Variants in VDAC2 observed in about 807,000 individuals in gnomAD.
VDAC2 encodes the protein non-selective voltage-gated ion channel VDAC2.
A neutral mutation model predicts 36.6 loss-of-function variants in VDAC2; 6 were observed. That is an observed-to-expected ratio of 0.16 (90% CI 0.09 to 0.32). The LOEUF is 0.32. VDAC2 is among the 10% of genes least tolerant of loss of function. VDAC2 has a pLI of 1.00. For synonymous variants in VDAC2, 109 were observed against 123.8 expected (o/e 0.88, Z 0.79); for missense variants, 247 against 346.0 (o/e 0.71, Z 2.27).
intron 4 of VDAC2, among the ~76,000 whole-genome samples, chr10:75,217,044 C>T (rs1841627009): frequency 6.6e-6 from 1 of 152,022 alleles, no homozygotes; most frequent in Non-Finnish European, 1.5e-5. Context: ...CCCTTGAGCC[C>T]AGGAGTTCTG....
In VDAC2 at chr10:75,220,964, C is replaced by T. The variant is rs764408721; in HGVS notation, c.578C>T (p.Thr193Ile). The change falls in exon 7 of 10, where the codon ACT becomes ATT. Residue 193 changes from threonine (T) to isoleucine (I), a missense_variant. Thr to Ile is a moderately conservative substitution (Grantham distance 89). Transcript: ENST00000332211. Reference protein sequence around the residue: ...GYRTGDFQLHTNVNDGTEFGG... With the variant: ...GYRTGDFQLHINVNDGTEFGG... Reference sequence around the variant, plus strand: ...AGGACTGGGGACTTCCAGCTACACACTAATGTGTAAGTATTTCTTTCATAG... The same window carrying T: ...AGGACTGGGGACTTCCAGCTACACATTAATGTGTAAGTATTTCTTTCATAG... 48 of 1,611,910 alleles carry T rather than the reference C, an allele frequency of 3.0e-5. No individual in the cohort carries two copies. The highest frequency in any genetic ancestry group is 5.3e-5 in the African/African-American group (4 of 74,866).
chr10:75,222,064 T>C (rs1040336869), intron 7 of VDAC2, among the ~76,000 whole-genome samples, 188 bp from the exon 8 acceptor site: 1 of 152,222 alleles, frequency 6.6e-6, no homozygotes, highest in Non-Finnish European at 1.5e-5. Context: ...CTGTGGTTCA[T>C]TTTACCAATC....
At chr10:75,212,357 C>G in intron 3 of VDAC2, 59 bp downstream of exon 3, 1 of 1,452,302 alleles carries the variant, frequency 6.9e-7, no homozygotes, top group Non-Finnish European at 9.5e-7. Context: ...GTTTGGGTTG[C>G]TTAGCGAAAT....
intron 2 of VDAC2, 156 bp downstream of exon 2, chr10:75,211,345 G>A: frequency 7.2e-7 from 1 of 1,387,070 alleles, no homozygotes; most frequent in Non-Finnish European, 9.7e-7. Flanking sequence ...CTGCGGAGGA[G>A]GGGCTGGGCT....
intron 2 of VDAC2, 161 bp downstream of exon 2, chr10:75,211,350 T>A (rs1841413928): frequency 2.2e-6 from 3 of 1,384,076 alleles, no homozygotes; most frequent in African/African-American, 1.5e-5. Flanking sequence ...GAGGAGGGGC[T>A]GGGCTGCTGG....
At chr10:75,212,330 A>G in intron 3 of VDAC2, 32 bp downstream of exon 3, 2 of 1,574,188 alleles carry the variant, frequency 1.3e-6, no homozygotes, top group Non-Finnish European at 1.7e-6. Context: ...CGTTTTAGAT[A>G]AAGAGTGAAA....
chr10:75,219,365 A>G lies in VDAC2; in HGVS notation c.356+9A>G. The G allele has an allele frequency of 1.3e-6, 2 of 1,585,906 alleles. No individual in the cohort carries two copies. Among genetic ancestry groups the G allele is most frequent in the Non-Finnish European group, 1.7e-6 (2 of 1,163,146 alleles). ...TTCTCACCAAACACAGGGTAAGCAC[A>G]GACATTTTTATCTGTATTACATTTA... On this transcript the variant is annotated intron_variant, in intron 6 of 9. Transcript: ENST00000332211.
intron 2 of VDAC2, chr10:75,211,419 C>T (rs1447085084): frequency 2.7e-6 from 4 of 1,461,364 alleles, no homozygotes; most frequent in East Asian, 2.5e-5. Flanking sequence ...ACTTTTCAGC[C>T]TTTGTACATG....
intron 4 of VDAC2, among the ~76,000 whole-genome samples, chr10:75,215,885 C>A (rs568379229): frequency 2.3e-4 from 35 of 151,920 alleles, no homozygotes; most frequent in African/African-American, 7.0e-4. Flanking sequence ...CCATGCCCCG[C>A]TAATTTTTGT....
chr10:75,226,984 G>A (rs1196032592), intron 8 of VDAC2, among the ~76,000 whole-genome samples: 2 of 151,778 alleles, frequency 1.3e-5, no homozygotes, highest in Non-Finnish European at 2.9e-5. Context: ...TGAAGTCTCT[G>A]TAAAAACCCA....
At chr10:75,218,884 C>T (rs1841699819) in intron 4 of VDAC2, among the ~76,000 whole-genome samples, 179 bp from the exon 5 acceptor site, 5 of 152,128 alleles carry the variant, frequency 3.3e-5, no homozygotes, top group Admixed American at 3.3e-4. Context: ...TTATTTGTCA[C>T]TCTTATATAT....
intron 8 of VDAC2, among the ~76,000 whole-genome samples, chr10:75,225,403 G>A (rs568915097): frequency 2.0e-5 from 3 of 152,194 alleles, no homozygotes; most frequent in Non-Finnish European, 4.4e-5. Flanking sequence ...TTTGGCCCTT[G>A]TTACAAACAG....
At chr10:75,221,148 G>C (rs1841801752) in intron 7 of VDAC2, 178 bp downstream of exon 7, 4 of 599,894 alleles carry the variant, frequency 6.7e-6, no homozygotes, top group Non-Finnish European at 8.7e-6. Context: ...CTGTTAGTCT[G>C]ACCTTTGGTG....
chr10:75,221,513 G>C (rs148904812), intron 7 of VDAC2, among the ~76,000 whole-genome samples: 2,323 of 152,056 alleles, frequency 0.015, 61 homozygotes, highest in Admixed American at 0.07. Flanking sequence ...TTGTATTTTT[G>C]GTAGAGACGG....
At chr10:75,214,101 A>G (rs200990496) in intron 4 of VDAC2, 31 bp downstream of exon 4, 16 of 1,605,680 alleles carry the variant, frequency 1.0e-5, no homozygotes, top group Non-Finnish European at 1.4e-5. Context: ...AGTTCTATTG[A>G]ACCTTTATAA....
chr10:75,223,399 T>C (rs1841875224), intron 8 of VDAC2, among the ~76,000 whole-genome samples: 1 of 152,202 alleles, frequency 6.6e-6, no homozygotes, highest in South Asian at 2.1e-4. Flanking sequence ...TTAATGTAAG[T>C]GGAAGAAGCT....
chr10:75,225,243 A>G (rs775456044), intron 8 of VDAC2, among the ~76,000 whole-genome samples: 18 of 152,242 alleles, frequency 1.2e-4, no homozygotes, highest in Non-Finnish European at 1.5e-4. Context: ...GGGAAAAGAA[A>G]GCTGGTACAA....
intron 8 of VDAC2, 43 bp from the exon 9 acceptor site, chr10:75,229,601 A>G (rs772276495): frequency 1.7e-5 from 25 of 1,486,586 alleles, no homozygotes; most frequent in African/African-American, 4.2e-5. Flanking sequence ...CTTTGTCTCT[A>G]TTGAAATATT....
chr10:75,221,108 G>A, intron 7 of VDAC2, 138 bp downstream of exon 7: 1 of 930,320 alleles, frequency 1.1e-6, no homozygotes, highest in Non-Finnish European at 1.6e-6. Flanking sequence ...GTCATTTCTA[G>A]GGTGCCCCTT....
Sources: gnomAD v4.1 joint callset for allele counts (sites outside exome capture counted in the v4.1 genomes callset) on GRCh38, gnomAD v4.1.1 for gene constraint, MANE v1.5 for transcripts, NCBI Gene and HGNC (gene_info 2026-07-23, HGNC 2026-07-21) for gene names.